The following B3GALT1 variants were observed in gnomAD, a reference collection of about 807,000 sequenced individuals.
The protein encoded by B3GALT1 is beta-1,3-galactosyltransferase 1, also known as UDP-Gal:betaGlcNAc beta 1,3-galactosyltransferase, polypeptide 1.
A neutral mutation model predicts 23.2 loss-of-function variants in B3GALT1; 10 were observed. That is an observed-to-expected ratio of 0.43 (90% CI 0.27 to 0.73). The LOEUF (loss-of-function observed/expected upper bound fraction) is 0.73, where lower values mean the gene tolerates loss of function less well. Ranked by LOEUF, B3GALT1 falls within the 30% of genes least tolerant of loss-of-function variation. The pLI is 0.21. For missense variants in B3GALT1, 299 were observed against 405.4 expected (o/e 0.74, Z 2.25); for synonymous variants, 156 against 141.5 (o/e 1.10, Z -0.73).
At chr2:167,377,867 TGTTA>T (rs1697789630) in intron 1 of B3GALT1, among the ~76,000 whole-genome samples, 1 of 152,180 alleles carries the variant, frequency 6.6e-6, no homozygotes, top group African/African-American at 2.4e-5. Context: ...ATCATGAAGT[TGTTA>T]GTTGGCTGCT....
intron 2 of B3GALT1, among the ~76,000 whole-genome samples, chr2:167,544,287 G>T (rs532530071): frequency 3.3e-5 from 5 of 152,098 alleles, no homozygotes; most frequent in South Asian, 2.1e-4. Context: ...AAGGACAATG[G>T]ATTTTTTGTT....
chr2:167,614,006 A>G (rs1006649109), intron 2 of B3GALT1, among the ~76,000 whole-genome samples: 15 of 151,756 alleles, frequency 9.9e-5, no homozygotes, highest in Non-Finnish European at 1.9e-4. Context: ...AGCTTCCATG[A>G]ACACTACTCT....
intron 2 of B3GALT1, among the ~76,000 whole-genome samples, chr2:167,499,028 T>A (rs1574105174): frequency 6.6e-6 from 1 of 152,280 alleles, no homozygotes; most frequent in Admixed American, 6.5e-5. Flanking sequence ...GTTTTTTGAG[T>A]TGGTGGTTAC....
chr2:167,346,351 A>T (rs565261346), intron 1 of B3GALT1, among the ~76,000 whole-genome samples: 1 of 152,132 alleles, frequency 6.6e-6, no homozygotes. Flanking sequence ...TGCCTATTGT[A>T]TATCTATTTA....
At chr2:167,650,610 T>C (rs1685846119) in intron 3 of B3GALT1, among the ~76,000 whole-genome samples, 1 of 152,040 alleles carries the variant, frequency 6.6e-6, no homozygotes, top group African/African-American at 2.4e-5. Flanking sequence ...AACTCTTCTT[T>C]AAGTGTTTGG....
chr2:167,680,000 G>T (rs1686499088), intron 3 of B3GALT1, among the ~76,000 whole-genome samples: 1 of 152,034 alleles, frequency 6.6e-6, no homozygotes, highest in Admixed American at 6.6e-5. Flanking sequence ...ATAAACATGG[G>T]TTTTTTCTAC....
At chr2:167,687,897 A>G (rs1686643071) in intron 3 of B3GALT1, among the ~76,000 whole-genome samples, 1 of 152,186 alleles carries the variant, frequency 6.6e-6, no homozygotes, top group South Asian at 2.1e-4. Context: ...AAATTATTGC[A>G]GATAGTTTAA....
chr2:167,648,026 C>G (rs192770320), intron 3 of B3GALT1, among the ~76,000 whole-genome samples: 107 of 152,160 alleles, frequency 7.0e-4, no homozygotes, highest in Middle Eastern at 3.4e-3. Context: ...ATGAATTTTT[C>G]AACTCTAACT....
In B3GALT1 at chr2:167,594,700, G is replaced by A. The variant is rs185150595; in HGVS notation, c.-409-52209G>A. ...GGACGAGGCGGGCAGATCACCTGAG[G>A]TCATGAGTTCAAGACCAGCCTGGCC... On this transcript the variant is annotated intron_variant, in intron 2 of 4. Transcript: ENST00000392690. Among the ~76,000 whole-genome samples, 8 of 152,236 alleles carry A rather than the reference G, an allele frequency of 5.3e-5. No individual in the cohort carries two copies. In the East Asian group the frequency reaches 1.5e-3, roughly 29 times the overall value.
At chr2:167,581,579 G>A (rs1319531982) in intron 2 of B3GALT1, among the ~76,000 whole-genome samples, 1 of 152,178 alleles carries the variant, frequency 6.6e-6, no homozygotes, top group African/African-American at 2.4e-5. Context: ...TAGTTCTTGT[G>A]AACAAGTGTT....
chr2:167,484,581 GAGTTA>G (rs1699599485), intron 1 of B3GALT1, among the ~76,000 whole-genome samples: 1 of 152,210 alleles, frequency 6.6e-6, no homozygotes, highest in African/African-American at 2.4e-5. Context: ...TTTGTTGAAA[GAGTTA>G]AGTTATTATC....
intron 2 of B3GALT1, among the ~76,000 whole-genome samples, chr2:167,507,703 A>G (rs2105351899): frequency 6.6e-6 from 1 of 152,240 alleles, no homozygotes; most frequent in East Asian, 1.9e-4. Context: ...TCATGAAACT[A>G]TGTGCATAAA....
At chr2:167,499,871 G>A (rs563473251) in intron 2 of B3GALT1, among the ~76,000 whole-genome samples, 9 of 152,142 alleles carry the variant, frequency 5.9e-5, no homozygotes, top group Non-Finnish European at 1.3e-4. Flanking sequence ...CTGAGAGTAT[G>A]TGGCTGGGCT....
At chr2:167,430,016 A>G (rs531600897) in intron 1 of B3GALT1, among the ~76,000 whole-genome samples, 4 of 152,372 alleles carry the variant, frequency 2.6e-5, no homozygotes, top group Admixed American at 2.0e-4. Context: ...AGAGGCAGAT[A>G]ACAGACAAAA....
intron 3 of B3GALT1, among the ~76,000 whole-genome samples, chr2:167,735,437 A>G (rs2105270261): frequency 6.6e-6 from 1 of 152,332 alleles, no homozygotes; most frequent in Admixed American, 6.5e-5. Context: ...CCACAGGGGG[A>G]GAGCAATAAG....
chr2:167,685,981 G>T (rs1367723747), intron 3 of B3GALT1, among the ~76,000 whole-genome samples: 1 of 152,108 alleles, frequency 6.6e-6, no homozygotes, highest in Non-Finnish European at 1.5e-5. Context: ...TTGCTTTACT[G>T]AAAACTAAAA....
rs565119130 is a variant in B3GALT1, at chr2:167,513,878, A to G, written c.-410+23601A>G. 1.8e-4 allele frequency among the ~76,000 whole-genome samples: 27 copies of G among 152,000 alleles called. 1 individual carries two copies. In the East Asian group the frequency reaches 5.0e-3, roughly 28 times the overall value. On this transcript the variant is annotated intron_variant, in intron 2 of 4. Transcript: ENST00000392690. ...TATCTACTTTGCTTTTCCCTATTAC[A>G]TGTAGTTTATTTTATTTGTATGTAT... is the stretch of plus-strand genomic sequence containing the variant.
At chr2:167,827,185 A>T (rs537392751) in intron 4 of B3GALT1, among the ~76,000 whole-genome samples, 2 of 152,296 alleles carry the variant, frequency 1.3e-5, no homozygotes, top group South Asian at 4.1e-4. Context: ...AAGCTATTTC[A>T]TCTACTGCCC....
intron 3 of B3GALT1, among the ~76,000 whole-genome samples, chr2:167,807,736 T>C (rs1246761108): frequency 6.6e-6 from 1 of 152,232 alleles, no homozygotes; most frequent in East Asian, 1.9e-4. Flanking sequence ...TACTTCCAAC[T>C]AAGTGGTCAA....
Sources: gnomAD v4.1 joint callset for allele counts (sites outside exome capture counted in the v4.1 genomes callset) on GRCh38, gnomAD v4.1.1 for gene constraint, MANE v1.5 for transcripts, NCBI Gene and HGNC (gene_info 2026-07-23, HGNC 2026-07-21) for gene names.